GALNT10: variants seen among roughly 807,000 people sequenced by gnomAD.
The protein encoded by GALNT10 is GalNAc transferase 10.
Under a neutral mutation model 75.0 loss-of-function variants are expected in GALNT10, and 41 were observed. The observed-to-expected ratio is 0.55, with a 90% CI of 0.43 to 0.71. The LOEUF is 0.71. Ranked by LOEUF, GALNT10 falls within the 30% of genes least tolerant of loss-of-function variation. The probability of loss-of-function intolerance (pLI) is 0.00; values close to 1 mark genes in which losing one functional copy is unlikely to be tolerated. For synonymous variants in GALNT10, 302 were observed against 313.0 expected (o/e 0.96, Z 0.37); for missense variants, 727 against 818.5 (o/e 0.89, Z 1.36).
intron 1 of GALNT10, among the ~76,000 whole-genome samples, chr5:154,293,613 A>ATATATATATATATTTTTTTTTTTTTT: frequency 1.8e-5 from 2 of 109,358 alleles, no homozygotes; most frequent in African/African-American, 8.5e-5. Flanking sequence ...ATATATATAT[A>ATATATATATATATTTTTTTTTTTTTT]TTTTTTTTTT....
intron 4 of GALNT10, among the ~76,000 whole-genome samples, chr5:154,361,433 G>A (rs1290437824): frequency 6.6e-6 from 1 of 152,208 alleles, no homozygotes; most frequent in Non-Finnish European, 1.5e-5. Context: ...ATAATACATG[G>A]AAGATGCTTA....
chr5:154,265,401 C>T (rs1305012784), intron 1 of GALNT10, among the ~76,000 whole-genome samples: 2 of 152,174 alleles, frequency 1.3e-5, no homozygotes, highest in African/African-American at 2.4e-5. Flanking sequence ...ACTGATTTCA[C>T]ACCTCATGGC....
chr5:154,204,896 G>A (rs1775083271), intron 1 of GALNT10, among the ~76,000 whole-genome samples: 1 of 152,184 alleles, frequency 6.6e-6, no homozygotes. Context: ...ATGAGGGTAG[G>A]GACCTTGTGT....
In GALNT10 at chr5:154,409,871, A is replaced by C; in HGVS notation, c.1386+109A>C. The C allele has an allele frequency of 1.6e-5, 12 of 748,370 alleles. No individual in the cohort carries two copies. The South Asian group carries it at 1.9e-4, about 12-fold the overall frequency. The allele number at this position is 748,370 out of a possible 1,614,324, so 46.4% of individuals were successfully genotyped here. ...GTCAGTGCAGGGAGGAAAGGCGTGA[A>C]TATAAAATCGTTTCCTTTCTTTCCT... On this transcript the variant is annotated intron_variant, in intron 9 of 11. Coordinates refer to ENST00000297107, the MANE Select transcript of GALNT10 (RefSeq NM_198321.4). The surrounding 1 kb of genome is among the most constrained non-coding windows in gnomAD (Gnocchi z 4.5).
At chr5:154,250,464 G>A (rs554609444) in intron 1 of GALNT10, among the ~76,000 whole-genome samples, 2 of 152,188 alleles carry the variant, frequency 1.3e-5, no homozygotes, top group Admixed American at 1.3e-4. Context: ...TCATTCAGTG[G>A]CTCAGCAGCA....
intron 4 of GALNT10, chr5:154,337,496 G>T: frequency 1.4e-6 from 1 of 728,414 alleles, no homozygotes; most frequent in Middle Eastern, 3.9e-4. Context: ...CATGGCTACT[G>T]CTGGTACTAG....
chr5:154,340,269 C>T (rs999080476), intron 4 of GALNT10, among the ~76,000 whole-genome samples: 5 of 152,092 alleles, frequency 3.3e-5, no homozygotes, highest in African/African-American at 7.2e-5. Context: ...AATAATAATG[C>T]GACACAGCAC....
intron 4 of GALNT10, among the ~76,000 whole-genome samples, chr5:154,364,088 G>A (rs982973449): frequency 2.6e-5 from 4 of 152,288 alleles, no homozygotes; most frequent in East Asian, 3.9e-4. Context: ...AGCACTTTGC[G>A]CTGAGCCTGG....
At chr5:154,328,484 G>A (rs1267838116) in intron 3 of GALNT10, among the ~76,000 whole-genome samples, 1 of 152,184 alleles carries the variant, frequency 6.6e-6, no homozygotes, top group Non-Finnish European at 1.5e-5. Context: ...TTTCCTCTCT[G>A]TTCACACATG....
chr5:154,328,752 T>C (rs1194625736), intron 3 of GALNT10, among the ~76,000 whole-genome samples: 1 of 152,194 alleles, frequency 6.6e-6, no homozygotes, highest in Non-Finnish European at 1.5e-5. Context: ...TTCCCCTCCT[T>C]AGATTTGATT....
chr5:154,350,725 C>T (rs543191796), intron 4 of GALNT10, among the ~76,000 whole-genome samples: 1 of 152,212 alleles, frequency 6.6e-6, no homozygotes, highest in Non-Finnish European at 1.5e-5. Flanking sequence ...GAGATGTTCA[C>T]AGTTGCTTCT....
intron 1 of GALNT10, among the ~76,000 whole-genome samples, chr5:154,223,587 T>A (rs12522093): frequency 0.42 from 64,404 of 152,088 alleles, 14,447 homozygotes; most frequent in East Asian, 0.84. Flanking sequence ...AAGGATGTAC[T>A]TAACCTTGGC....
intron 1 of GALNT10, among the ~76,000 whole-genome samples, chr5:154,234,172 C>T (rs927833966): frequency 3.9e-5 from 6 of 152,144 alleles, no homozygotes; most frequent in South Asian, 4.1e-4. Flanking sequence ...ATACATCTAA[C>T]GGCACTTATA....
intron 3 of GALNT10, among the ~76,000 whole-genome samples, chr5:154,303,161 AC>A (rs1251817573): frequency 6.6e-6 from 1 of 152,198 alleles, no homozygotes; most frequent in Non-Finnish European, 1.5e-5. Context: ...TTTTTAAGAC[AC>A]TGGACATCAG....
chr5:154,406,796 TG>T (rs201132609), intron 8 of GALNT10, among the ~76,000 whole-genome samples: 2,193 of 152,158 alleles, frequency 0.014, 29 homozygotes, highest in Middle Eastern at 0.027. Flanking sequence ...GACTCCATCT[TG>T]GGGGGAAAAA....
intron 1 of GALNT10, among the ~76,000 whole-genome samples, chr5:154,288,939 A>G (rs1257523422): frequency 6.6e-6 from 1 of 152,212 alleles, no homozygotes; most frequent in Non-Finnish European, 1.5e-5. Flanking sequence ...TCCTTGAAGA[A>G]CACTGTGTTT....
chr5:154,393,977 A>G (rs1401378902), intron 7 of GALNT10, among the ~76,000 whole-genome samples: 1 of 152,222 alleles, frequency 6.6e-6, no homozygotes, highest in African/African-American at 2.4e-5. Flanking sequence ...TCAGCAGTGC[A>G]GAGACTCCCA....
rs561110547 is a variant in GALNT10, at chr5:154,383,232, G to A, written c.938+2601G>A. ...ACTAGAGAAATTCTGGTCATTTTCTGTACAGCTTCCCACCTTCCCACTTGA... is the reference window on the plus strand; with the variant it reads ...ACTAGAGAAATTCTGGTCATTTTCTATACAGCTTCCCACCTTCCCACTTGA... On this transcript the variant is annotated intron_variant, in intron 6 of 11. Coordinates refer to ENST00000297107, the MANE Select transcript of GALNT10 (RefSeq NM_198321.4). Among the ~76,000 whole-genome samples the A allele has an allele frequency of 1.6e-3, 238 of 152,226 alleles. 1 individual carries two copies. Among genetic ancestry groups the A allele is most frequent in the African/African-American group, 5.5e-3 (229 of 41,532 alleles).
intron 1 of GALNT10, among the ~76,000 whole-genome samples, chr5:154,196,726 G>T (rs753163627): frequency 6.6e-6 from 1 of 152,134 alleles, no homozygotes; most frequent in Non-Finnish European, 1.5e-5. Flanking sequence ...GGTCTTACCG[G>T]TCTACTTTGG....
Sources: gnomAD v4.1 joint callset for allele counts (sites outside exome capture counted in the v4.1 genomes callset) on GRCh38, gnomAD v4.1.1 for gene constraint, Gnocchi (gnomAD v3.1) non-coding constraint, MANE v1.5 for transcripts, NCBI Gene and HGNC (gene_info 2026-07-23, HGNC 2026-07-21) for gene names.